SFPQ: variants seen among roughly 807,000 people sequenced by gnomAD.
SFPQ encodes splicing factor, proline- and glutamine-rich.
Under a neutral mutation model 72.9 loss-of-function variants are expected in SFPQ, and 11 were observed. That is an observed-to-expected ratio of 0.15 (90% confidence interval 0.09 to 0.25). The LOEUF (loss-of-function observed/expected upper bound fraction) is 0.25. Ranked by LOEUF, SFPQ falls within the 10% of genes least tolerant of loss-of-function variation. The pLI, the probability that SFPQ is intolerant of heterozygous loss-of-function variation, is 1.00. For synonymous variants in SFPQ, 506 were observed against 367.3 expected (o/e 1.38, Z -4.32); for missense variants, 847 against 993.3 (o/e 0.85, Z 1.98).
chr1:35,188,029 C>G lies in SFPQ; in HGVS notation c.1759G>C (p.Glu587Gln). 1 of 1,614,156 alleles carries G rather than the reference C, an allele frequency of 6.2e-7. No homozygotes were observed. Among genetic ancestry groups the G allele is most frequent in the Non-Finnish European group, 8.5e-7 (1 of 1,180,018 alleles). The change falls in exon 7 of 10, where the codon GAA becomes CAA. Residue 587 changes from glutamate to glutamine, a missense_variant. Glu to Gln is a conservative substitution (Grantham distance 29, BLOSUM62 2). Coordinates refer to ENST00000357214, the MANE Select transcript of SFPQ (RefSeq NM_005066.3). ...TCCTCTCTTTGGCGCCTCATTTGTT[C>G]TTCCATCTCACGTTGACGAATCATC... ...EMMIRQREME[E>Q]QMRRQREESY...
downstream of SFPQ, chr1:35,179,731 A>G (rs1028876704): frequency 2.8e-6 from 3 of 1,056,416 alleles, no homozygotes; most frequent in Admixed American, 5.4e-5. Context: ...CCACCCCAAT[A>G]AAGTTCCTGA....
chr1:35,187,990 T>C lies in SFPQ; in HGVS notation c.1798A>G (p.Met600Val). 3 of 1,613,412 alleles carry C rather than the reference T, an allele frequency of 1.9e-6. No individual in the cohort carries two copies. The highest frequency in any genetic ancestry group is 1.7e-6 in the Non-Finnish European group (2 of 1,179,290). ...TGACTTACTGGATCCATGTAGCCCATTCGGCTGTAACTTTCCTCTCTTTGG... is the reference window on the plus strand; with the variant it reads ...TGACTTACTGGATCCATGTAGCCCACTCGGCTGTAACTTTCCTCTCTTTGG... ...RRQREESYSRMGYMDPRERDM... is the reference protein window; with the variant it reads ...RRQREESYSRVGYMDPRERDM... The change falls in exon 7 of 10, where the codon ATG becomes GTG. Residue 600 changes from methionine (M) to valine (V), a missense_variant. Met to Val is a conservative substitution (Grantham distance 21). Transcript: ENST00000357214.
chr1:35,192,926 G>T lies in SFPQ; in HGVS notation c.124C>A (p.Gln42Lys). ...RSPPPGMGLN[Q>K]NRGPMGPGPG... ...CCAGGACCCATGGGGCCGCGATTCT[G>T]ATTGAGGCCCATGCCGGGCGGCGGA... The change falls in exon 1 of 10, where the codon CAG becomes AAG. Residue 42 changes from glutamine to lysine, a missense_variant. Physicochemically the swap from Gln to Lys is moderately conservative, Grantham distance 53. Coordinates refer to ENST00000357214, the MANE Select transcript of SFPQ (RefSeq NM_005066.3). The T allele has an allele frequency of 6.3e-7, 1 of 1,587,130 alleles. No homozygotes were observed. Among genetic ancestry groups the T allele is most frequent in the Non-Finnish European group, 8.5e-7 (1 of 1,174,710 alleles).
chr1:35,187,372 G>A, intron 7 of SFPQ, 121 bp from the exon 8 acceptor site: 1 of 934,536 alleles, frequency 1.1e-6, no homozygotes, highest in Non-Finnish European at 1.7e-6. Context: ...TTCATCATGT[G>A]AATTATTTTT....
downstream of SFPQ, chr1:35,177,956 CT>C: frequency 9.2e-7 from 1 of 1,081,574 alleles, no homozygotes; most frequent in Non-Finnish European, 1.2e-6. Context: ...ACTCAAAAGC[CT>C]GTAGGGGTTA....
At chr1:35,180,134 T>C, downstream of SFPQ, 1 of 1,049,190 alleles carries the variant, frequency 9.5e-7, no homozygotes, top group Non-Finnish European at 1.2e-6. Context: ...AGTCTCATAG[T>C]CATGAAGTTT....
rs555379440 is a variant in SFPQ, at chr1:35,193,070, C to T, written c.-21G>A. On this transcript the variant is annotated 5_prime_UTR_variant, in exon 1 of 10. Transcript: ENST00000357214. ...GACATGTCTGTGGTCAAGGGGCGGTCGAGGCAAAAGCGAAGAAGACGCTCA... is the reference window on the plus strand; with the variant it reads ...GACATGTCTGTGGTCAAGGGGCGGTTGAGGCAAAAGCGAAGAAGACGCTCA... 1.3e-6 allele frequency: 2 copies of T among 1,534,588 alleles called. No homozygotes were observed. The highest frequency in any genetic ancestry group is 2.5e-5 in the East Asian group (1 of 39,952).
At chr1:35,181,345 G>C (rs916288547), downstream of SFPQ, 3 of 1,065,194 alleles carry the variant, frequency 2.8e-6, no homozygotes, top group African/African-American at 4.9e-5. Flanking sequence ...TTAGTGGCTT[G>C]CCCAAGAAAA....
downstream of SFPQ, chr1:35,179,532 A>G (rs1451561677): frequency 6.6e-6 from 7 of 1,052,838 alleles, no homozygotes; most frequent in East Asian, 3.7e-4. Context: ...TCGGTATAGC[A>G]TTATTACTGA....
downstream of SFPQ, chr1:35,181,054 GT>G: frequency 9.4e-7 from 1 of 1,064,938 alleles, no homozygotes; most frequent in Non-Finnish European, 1.1e-6. Context: ...TAATTTCATT[GT>G]CAGAAATGTG....
chr1:35,193,139 C>G lies in SFPQ; in HGVS notation c.-90G>C. 2.0e-6 allele frequency: 3 copies of G among 1,474,662 alleles called. No individual in the cohort carries two copies. Among genetic ancestry groups the G allele is most frequent in the Admixed American group, 2.4e-5 (1 of 41,814 alleles). The allele number at this position is 1,474,662 out of a possible 1,614,324, so 91.3% of individuals were successfully genotyped here. Reference sequence around the variant, plus strand: ...TTGCTTCTCACAAAATGGCGGATGACACAGGCGGCGCGCCGCCTTTGTCCT... The same window carrying G: ...TTGCTTCTCACAAAATGGCGGATGAGACAGGCGGCGCGCCGCCTTTGTCCT... On this transcript the variant is annotated 5_prime_UTR_variant, in exon 1 of 10. Transcript: ENST00000357214.
chr1:35,192,863 G>A lies in SFPQ; in HGVS notation c.187C>T (p.Pro63Ser). The A allele has an allele frequency of 6.5e-7, 1 of 1,535,694 alleles. No individual in the cohort carries two copies. The highest frequency in any genetic ancestry group is 1.2e-5 in the South Asian group (1 of 83,146). The stretch of plus-strand genomic sequence containing the variant: ...TGTTGCTGCTGTTGGTGTGGAGGCG[G>A]TGGCGGGATCGGAGGCTTAGGGCCG... ...QSGPKPPIPPPPPHQQQQQPP... is the reference protein window; with the variant it reads ...QSGPKPPIPPSPPHQQQQQPP... Residue 63 changes from proline (P) to serine (S), a missense_variant, in exon 1 of 10, where the codon CCG becomes TCG. Around this residue, in one of 6 missense-constraint regions of SFPQ, gnomAD observed 498 missense variants for 405.1 expected, o/e 1.23. Coordinates refer to ENST00000357214, the MANE Select transcript of SFPQ (RefSeq NM_005066.3).
At chr1:35,179,647 G>A (rs182353349), downstream of SFPQ, 4,694 of 1,054,548 alleles carry the variant, frequency 4.5e-3, 14 homozygotes, top group Non-Finnish European at 4.9e-3. Context: ...ACACACTAAC[G>A]TCACAAGTTT....
At chr1:35,182,091 T>TA (rs1639491658), downstream of SFPQ, 1 of 985,228 alleles carries the variant, frequency 1.0e-6, no homozygotes, top group African/African-American at 1.7e-5. Flanking sequence ...GCATCCCTTA[T>TA]AAAGAAAGGC....
At chr1:35,182,316 ATC>A (rs1639502926), downstream of SFPQ, 1 of 985,352 alleles carries the variant, frequency 1.0e-6, no homozygotes, top group Non-Finnish European at 1.2e-6. Flanking sequence ...CGTACAGAAA[ATC>A]TCTTATGTAT....
At position 35,192,316 on chromosome 1, in the gene SFPQ, C is replaced by T; in HGVS notation, c.734G>A (p.Arg245His). ...CTGGTGGTAGGGCGGGTGGTGCTGG[C>T]GGCCCCCGCGGGGCTCCCCGCCGCC... ...HRGGGEPRGG[R>H]QHHPPYHQQH... is the part of the protein sequence containing the mutation. The change falls in exon 1 of 10, where the codon CGC (arginine) becomes CAC (histidine). Residue 245 changes from arginine (R) to histidine (H), a missense_variant. By Grantham distance (29) the Arg-to-His change is conservative. Transcript: ENST00000357214. The T allele has an allele frequency of 7.0e-7, 1 of 1,429,440 alleles. No individual in the cohort carries two copies. The highest frequency in any genetic ancestry group is 9.1e-7 in the Non-Finnish European group (1 of 1,103,502). 88.5% of individuals were successfully genotyped at this position (1,429,440 alleles called of 1,614,324 possible).
At chr1:35,180,270 G>C (rs1016467422), downstream of SFPQ, 1 of 1,049,118 alleles carries the variant, frequency 9.5e-7, no homozygotes, top group Non-Finnish European at 1.2e-6. Flanking sequence ...GTGAGGTCTG[G>C]AACAACAGTT....
chr1:35,183,109 G>A lies in SFPQ; in HGVS notation c.*1347C>T. The stretch of plus-strand genomic sequence containing the variant: ...TAACAATCACCACTAGCTCTTAGAA[G>A]AGAACCAATAGATTTTTATAGTCCT... On this transcript the variant is annotated 3_prime_UTR_variant, in exon 10 of 10. Transcript: ENST00000357214. 2.0e-6 allele frequency: 2 copies of A among 996,582 alleles called. No individual in the cohort carries two copies. The highest frequency in any genetic ancestry group is 2.4e-6 in the Non-Finnish European group (2 of 850,530). 61.7% of individuals were successfully genotyped at this position (996,582 alleles called of 1,614,324 possible).
At chr1:35,177,991 C>T (rs1266093540), downstream of SFPQ, 3 of 1,264,206 alleles carry the variant, frequency 2.4e-6, no homozygotes, top group African/African-American at 4.7e-5. Flanking sequence ...AAACTTACTT[C>T]ATGTGAATGA....
Sources: gnomAD v4.1 joint callset for allele counts on GRCh38, gnomAD v4.1.1 for gene constraint, gnomAD v4.1.1 regional missense constraint, MANE v1.5 for transcripts, NCBI Gene and HGNC (gene_info 2026-07-23, HGNC 2026-07-21) for gene names.